The following PLEKHA5 variants were observed in gnomAD, a reference collection of about 807,000 sequenced individuals.
PLEKHA5 encodes pleckstrin homology domain containing A5.
A neutral mutation model predicts 181.9 loss-of-function variants in PLEKHA5; 55 were observed. The observed-to-expected ratio is 0.30, with a 90% CI of 0.24 to 0.38. PLEKHA5 has a LOEUF of 0.38. Ranked by LOEUF, PLEKHA5 falls within the 10% of genes least tolerant of loss-of-function variation. PLEKHA5 has a pLI of 1.00. For synonymous variants in PLEKHA5, 535 were observed against 529.4 expected, an observed-to-expected ratio of 1.01 and a Z score of -0.15; for missense variants, 1,432 against 1,549.5, an observed-to-expected ratio of 0.92 and a Z score of 1.27.
intron 3 of PLEKHA5, among the ~76,000 whole-genome samples, chr12:19,246,355 T>C (rs554241389): frequency 6.6e-6 from 1 of 151,282 alleles, no homozygotes; most frequent in East Asian, 2.0e-4. Flanking sequence ...CTGGGTGCGG[T>C]GGCTCACGCC....
Position 19,314,863 on chromosome 12 carries a change from A to T in PLEKHA5, c.2087A>T (p.Asn696Ile). The change falls in exon 16 of 32, where the codon AAC (asparagine) becomes ATC (isoleucine). Residue 696 changes from asparagine (N) to isoleucine (I), a missense_variant. Coordinates refer to ENST00000429027, the MANE Select transcript of PLEKHA5 (RefSeq NM_001256470.2). ...IITMVHTMIE[N>I]SALRPQLYQQ... The stretch of plus-strand genomic sequence containing the variant: ...ACCATGGTTCACACAATGATTGAGA[A>T]CTCGGCGCTAAGACCCCAACTGTAC... The T allele has an allele frequency of 6.5e-7, 1 of 1,548,422 alleles. No individual in the cohort carries two copies. Among genetic ancestry groups the T allele is most frequent in the African/African-American group, 1.4e-5 (1 of 73,082 alleles).
At chr12:19,269,934 C>G in intron 9 of PLEKHA5, 49 bp downstream of exon 9, 1 of 972,500 alleles carries the variant, frequency 1.0e-6, no homozygotes, top group Non-Finnish European at 1.7e-6. Flanking sequence ...CCATTTTATT[C>G]CATGCCTTGC....
Position 19,313,732 on chromosome 12 carries a change from C to G in PLEKHA5, c.2038-1082C>G, listed in dbSNP as rs555748938. Among the ~76,000 whole-genome samples the G allele has an allele frequency of 2.6e-5, 4 of 152,140 alleles. No individual in the cohort carries two copies. In the South Asian group the frequency reaches 6.2e-4, roughly 24 times the overall value. On this transcript the variant is annotated intron_variant, in intron 15 of 31. Transcript: ENST00000429027. The stretch of plus-strand genomic sequence containing the variant: ...AAACATGTGTTTCATTATCACTTAA[C>G]TGACTAAAAAGTAGATTAAACCAGT...
At chr12:19,176,529 C>G (rs2047282331) in intron 3 of PLEKHA5, 1 of 152,104 alleles carries the variant, frequency 6.6e-6, no homozygotes, top group African/African-American at 2.4e-5. Context: ...TGGACTCAAG[C>G]AGTCCTCCAG....
At chr12:19,375,201 G>A (rs1829858152) in intron 31 of PLEKHA5, among the ~76,000 whole-genome samples, 1 of 151,982 alleles carries the variant, frequency 6.6e-6, no homozygotes, top group East Asian at 1.9e-4. Context: ...ATATGTGCCT[G>A]TAATCCCAGC....
intron 14 of PLEKHA5, 144 bp from the exon 15 acceptor site, chr12:19,291,500 G>T: frequency 1.9e-6 from 1 of 514,438 alleles, no homozygotes; most frequent in Non-Finnish European, 3.4e-6. Context: ...ACCATTTACA[G>T]GGGAGCATGT....
intron 20 of PLEKHA5, among the ~76,000 whole-genome samples, chr12:19,324,532 T>C (rs760515724): frequency 9.2e-5 from 14 of 152,274 alleles, no homozygotes; most frequent in Non-Finnish European, 1.5e-4. Flanking sequence ...CAGATCTTCT[T>C]ACCACATTTC....
chr12:19,305,198 TTC>T (rs2082855057), intron 15 of PLEKHA5, among the ~76,000 whole-genome samples: 1 of 152,114 alleles, frequency 6.6e-6, no homozygotes. Context: ...AGTTGGGAAA[TTC>T]TACACAAGAT....
rs758826365 is a variant in PLEKHA5, at chr12:19,283,411, C to T, written c.1445C>T (p.Thr482Ile). 12 of 1,613,852 alleles carry T rather than the reference C, an allele frequency of 7.4e-6. No individual in the cohort carries two copies. In the Admixed American group the frequency reaches 1.5e-4, roughly 20 times the overall value. ...AGGCCTGAAAGTATCTGCAGTGTAA[C>T]CCCTTCCACTCATGACAAGACATTA... ...KTRPESICSVTPSTHDKTLGP... is the reference protein window; with the variant it reads ...KTRPESICSVIPSTHDKTLGP... The change falls in exon 12 of 32, where the codon ACC (threonine) becomes ATC (isoleucine). Residue 482 changes from threonine (T) to isoleucine (I), a missense_variant. Thr to Ile is a moderately conservative substitution (Grantham distance 89). This residue lies in a region of PLEKHA5 where 1,143 missense variants were observed against 1,168.4 expected (regional missense o/e 0.98). Transcript: ENST00000429027.
At chr12:19,343,202 G>A (rs979250509) in intron 21 of PLEKHA5, 121 bp from the exon 22 acceptor site, 13 of 537,456 alleles carry the variant, frequency 2.4e-5, no homozygotes, top group Admixed American at 6.7e-5. Context: ...TTAAATATTC[G>A]TAACACTTAA....
intron 3 of PLEKHA5, among the ~76,000 whole-genome samples, chr12:19,194,038 C>T (rs2051974621): frequency 6.6e-6 from 1 of 152,176 alleles, no homozygotes; most frequent in Non-Finnish European, 1.5e-5. Flanking sequence ...CAAACACCTC[C>T]CACCAGGCCT....
chr12:19,362,429 G>A lies in PLEKHA5; in HGVS notation c.3608+723G>A, dbSNP rs111591079. Among the ~76,000 whole-genome samples, 3 of 152,084 alleles carry A rather than the reference G, an allele frequency of 2.0e-5. 1 individual carries two copies. The highest frequency in any genetic ancestry group is 7.2e-5 in the African/African-American group (3 of 41,506). On this transcript the variant is annotated intron_variant, in intron 29 of 31. Coordinates refer to ENST00000429027, the MANE Select transcript of PLEKHA5 (RefSeq NM_001256470.2). ...CATGTCTGTGGTCCCAGCTACTTGGGAGGCTGAGGCAGGAGAAATGCTTGA... is the reference window on the plus strand; with the variant it reads ...CATGTCTGTGGTCCCAGCTACTTGGAAGGCTGAGGCAGGAGAAATGCTTGA...
At chr12:19,148,850 T>G (rs1004626662) in intron 3 of PLEKHA5, among the ~76,000 whole-genome samples, 1 of 152,178 alleles carries the variant, frequency 6.6e-6, no homozygotes, top group Non-Finnish European at 1.5e-5. Flanking sequence ...TCTCAGGCTC[T>G]TTCACACCTA....
At chr12:19,176,991 C>T (rs992513898) in intron 3 of PLEKHA5, among the ~76,000 whole-genome samples, 2 of 152,048 alleles carry the variant, frequency 1.3e-5, no homozygotes, top group South Asian at 4.2e-4. Context: ...CCTCGGCCTC[C>T]TGAGTAGCTG....
intron 16 of PLEKHA5, chr12:19,319,574 T>A (rs1405264760): frequency 6.0e-6 from 1 of 166,292 alleles, no homozygotes. Flanking sequence ...ACACATTACT[T>A]CTAACCCCAC....
intron 11 of PLEKHA5, among the ~76,000 whole-genome samples, chr12:19,278,098 CAA>C (rs1244931398): frequency 1.3e-5 from 2 of 152,140 alleles, no homozygotes; most frequent in Non-Finnish European, 2.9e-5. Flanking sequence ...AAACAGGTCT[CAA>C]AGTGCTAGAA....
In PLEKHA5 at chr12:19,291,785, G is replaced by A. The variant is rs564903134; in HGVS notation, c.2037+88G>A. On this transcript the variant is annotated intron_variant, in intron 15 of 31. Coordinates refer to ENST00000429027, the MANE Select transcript of PLEKHA5 (RefSeq NM_001256470.2). Reference sequence around the variant, plus strand: ...TTTTTCAGGCTTCTCAGCTATTTCAGTCACGTTGAATTAATAACATGACTT... The same window carrying A: ...TTTTTCAGGCTTCTCAGCTATTTCAATCACGTTGAATTAATAACATGACTT... 1.1e-4 allele frequency: 74 copies of A among 666,304 alleles called. 1 individual carries two copies. The South Asian group carries it at 1.5e-3, about 13-fold the overall frequency. The allele number at this position is 666,304 out of a possible 1,614,324, so 41.3% of individuals were successfully genotyped here. A position where few individuals can be genotyped will look rare whatever the true frequency, so the allele number is the denominator to read the frequency against.
chr12:19,361,703 T>G lies in PLEKHA5; in HGVS notation c.3605T>G (p.Phe1202Cys). ...GACAAAATGCCTGAGGATGTTACAT[T>G]CAGGTAATATTTAAGAAAAGCAAAG... The part of the protein sequence containing the change: ...NKDKMPEDVT[F>C]SPQDETQTAN... Residue 1202 changes from phenylalanine to cysteine, a missense_variant, in exon 29 of 32, where the codon TTC (phenylalanine) becomes TGC (cysteine). Physicochemically the swap from Phe to Cys is radical, Grantham distance 205 (BLOSUM62 -2). Transcript: ENST00000429027. 6.3e-7 allele frequency: 1 copy of G among 1,591,396 alleles called. No homozygotes were observed. The highest frequency in any genetic ancestry group is 8.5e-7 in the Non-Finnish European group (1 of 1,169,994).
At chr12:19,323,683 G>T (rs2091447869) in intron 20 of PLEKHA5, among the ~76,000 whole-genome samples, 1 of 151,756 alleles carries the variant, frequency 6.6e-6, no homozygotes. Flanking sequence ...GGGTGTGGTG[G>T]CAGGTGCCTG....
Sources: gnomAD v4.1 joint callset for allele counts (sites outside exome capture counted in the v4.1 genomes callset) on GRCh38, gnomAD v4.1.1 for gene constraint, gnomAD v4.1.1 regional missense constraint, MANE v1.5 for transcripts, NCBI Gene and HGNC (gene_info 2026-07-23, HGNC 2026-07-21) for gene names.